NAA35: variants seen among roughly 807,000 people sequenced by gnomAD.
NAA35 encodes the protein N-alpha-acetyltransferase 35, NatC auxiliary subunit.
NAA35 carries 18 observed loss-of-function variants against 101.7 expected under a neutral mutation model. The observed-to-expected ratio is 0.18, with a 90% CI of 0.12 to 0.26. The LOEUF is 0.26. Among genes scored for constraint, NAA35 ranks in the 10% least tolerant of loss-of-function variants. The pLI, the probability that NAA35 is intolerant of heterozygous loss-of-function variation, is 1.00. For missense variants in NAA35, 601 were observed against 886.8 expected, an observed-to-expected ratio of 0.68 and a Z score of 4.09; for synonymous variants, 267 against 273.1, an observed-to-expected ratio of 0.98 and a Z score of 0.22.
At chr9:86,003,774 T>A (rs1047434888) in intron 13 of NAA35, 130 bp downstream of exon 13, 2 of 484,736 alleles carry the variant, frequency 4.1e-6, no homozygotes, top group Non-Finnish European at 7.1e-6. Flanking sequence ...ATTTTTTTTT[T>A]AATTGAAGTA....
At chr9:85,994,109 G>C (rs1178007488) in intron 11 of NAA35, among the ~76,000 whole-genome samples, 1 of 152,026 alleles carries the variant, frequency 6.6e-6, no homozygotes, top group Non-Finnish European at 1.5e-5. Flanking sequence ...TATTTATTGA[G>C]GCCATGCCTT....
rs1464253530 is a variant in NAA35, at chr9:86,009,931, G to C, written c.1290G>C (p.Arg430=). Residue 430 remains arginine (R), a splice_region_variant and synonymous_variant, in exon 15 of 23, where the codon CGG becomes CGC. Transcript: ENST00000361671. Reference sequence around the variant, plus strand: ...ACTCCTTTGTTACTCACTGTGTTCGGGTAAGAGCTACAATTTGGATTGTCA... The same window carrying C: ...ACTCCTTTGTTACTCACTGTGTTCGCGTAAGAGCTACAATTTGGATTGTCA... ...CIDSFVTHCV[R]PFCSLIQIHG... is the part of the protein sequence containing the mutation. 1 of 1,611,250 alleles carries C rather than the reference G, an allele frequency of 6.2e-7. No individual in the cohort carries two copies. The highest frequency in any genetic ancestry group is 8.5e-7 in the Non-Finnish European group (1 of 1,177,648).
chr9:85,977,514 G>A, intron 10 of NAA35, 68 bp downstream of exon 10: 1 of 1,088,708 alleles, frequency 9.2e-7, no homozygotes, highest in Non-Finnish European at 1.4e-6. Context: ...GAGTGAAGCA[G>A]TTCTGAAACT....
intron 11 of NAA35, chr9:85,986,672 C>T (rs899572677): frequency 1.3e-5 from 4 of 312,320 alleles, no homozygotes; most frequent in African/African-American, 4.6e-5. Context: ...GCAACCTCTG[C>T]CTCCCGGGTT....
chr9:85,968,986 T>G (rs1829881152), intron 6 of NAA35, among the ~76,000 whole-genome samples: 1 of 152,200 alleles, frequency 6.6e-6, no homozygotes, highest in African/African-American at 2.4e-5. Flanking sequence ...TGCCCTCTAT[T>G]GTGAAACCTA....
chr9:85,964,545 CT>C (rs1829664291), intron 6 of NAA35, among the ~76,000 whole-genome samples: 1 of 152,188 alleles, frequency 6.6e-6, no homozygotes, highest in Non-Finnish European at 1.5e-5. Flanking sequence ...GAATTATGTC[CT>C]GCATTTAATT....
chr9:85,966,012 C>T (rs1829729464), intron 6 of NAA35, among the ~76,000 whole-genome samples: 1 of 152,148 alleles, frequency 6.6e-6, no homozygotes, highest in Admixed American at 6.5e-5. Context: ...GATCGTAGCT[C>T]ACTGGTAGCC....
chr9:85,946,830 C>G (rs182350516), intron 2 of NAA35, among the ~76,000 whole-genome samples: 4 of 152,104 alleles, frequency 2.6e-5, no homozygotes, highest in African/African-American at 9.7e-5. Context: ...ATTATTAGCA[C>G]CATTGGTTAA....
chr9:85,957,437 T>C (rs1829326204), intron 3 of NAA35, among the ~76,000 whole-genome samples: 2 of 152,110 alleles, frequency 1.3e-5, no homozygotes, highest in Non-Finnish European at 2.9e-5. Context: ...TCCAAACACA[T>C]GTTGTGAAAG....
rs1279339655 is a variant in NAA35, at chr9:85,983,385, T to C, written c.877+5004T>C. Among the ~76,000 whole-genome samples, 6 of 152,270 alleles carry C rather than the reference T, an allele frequency of 3.9e-5. No individual in the cohort carries two copies. The East Asian group carries it at 1.2e-3, about 29-fold the overall frequency. ...GGGAAAAACAAAAGCAAATTCTAAA[T>C]ATGCTAATTTCAGCAATTCCCTTGA... On this transcript the variant is annotated intron_variant, in intron 11 of 22. Coordinates refer to ENST00000361671, the MANE Select transcript of NAA35 (RefSeq NM_024635.4).
At chr9:85,986,991 G>GA (rs57980905) in intron 11 of NAA35, 4 of 155,174 alleles carry the variant, frequency 2.6e-5, no homozygotes, top group Non-Finnish European at 2.9e-5. Flanking sequence ...GCCAAAAAAA[G>GA]AAAAAATCAC....
intron 21 of NAA35, 44 bp downstream of exon 21, chr9:86,018,865 G>A (rs781261039): frequency 6.2e-7 from 1 of 1,601,516 alleles, no homozygotes; most frequent in Non-Finnish European, 8.5e-7. Context: ...AGCGTGGCAG[G>A]AAATACATCT....
chr9:86,008,533 T>A (rs1408135225), intron 14 of NAA35, among the ~76,000 whole-genome samples: 1 of 152,202 alleles, frequency 6.6e-6, no homozygotes, highest in Non-Finnish European at 1.5e-5. Flanking sequence ...ACACATAAAA[T>A]AAGGTTATTC....
In NAA35 at chr9:85,962,000, T is replaced by C. The variant is rs1829536251; in HGVS notation, c.349-13T>C. The C allele has an allele frequency of 1.0e-5, 16 of 1,592,024 alleles. No individual in the cohort carries two copies. The highest frequency in any genetic ancestry group is 1.4e-5 in the African/African-American group (1 of 73,578). ...TTATCACCTTAAATATATACTCTTTTGTTTCTTTATAGATAACGTGGTTAG... is the reference window on the plus strand; with the variant it reads ...TTATCACCTTAAATATATACTCTTTCGTTTCTTTATAGATAACGTGGTTAG... On this transcript the variant is annotated splice_polypyrimidine_tract_variant and intron_variant, in intron 5 of 22. Coordinates refer to ENST00000361671, the MANE Select transcript of NAA35 (RefSeq NM_024635.4).
At chr9:85,970,195 T>G (rs1829946390) in intron 6 of NAA35, among the ~76,000 whole-genome samples, 1 of 152,204 alleles carries the variant, frequency 6.6e-6, no homozygotes. Context: ...ACATGTATAG[T>G]TCGATTTAGT....
At chr9:85,957,402 C>G (rs1209775338) in intron 3 of NAA35, among the ~76,000 whole-genome samples, 2 of 152,022 alleles carry the variant, frequency 1.3e-5, no homozygotes, top group Non-Finnish European at 2.9e-5. Flanking sequence ...TGCAAGAAAA[C>G]CTTTGTCTAG....
chr9:85,961,373 AG>A (rs1165387709), intron 5 of NAA35, among the ~76,000 whole-genome samples: 12 of 152,334 alleles, frequency 7.9e-5, no homozygotes, highest in Admixed American at 6.5e-4. Context: ...TCAAAGTGCT[AG>A]GAAAAAAATG....
At chr9:86,007,312 A>C (rs1329607493) in intron 13 of NAA35, 46 bp from the exon 14 acceptor site, 1 of 1,342,058 alleles carries the variant, frequency 7.5e-7, no homozygotes, top group Non-Finnish European at 1.1e-6. Context: ...CACTAATGAC[A>C]ATTCTGTGCG....
At chr9:85,950,412 A>C (rs1317223290) in intron 2 of NAA35, among the ~76,000 whole-genome samples, 1 of 152,048 alleles carries the variant, frequency 6.6e-6, no homozygotes, top group Non-Finnish European at 1.5e-5. Flanking sequence ...CACCTGGCTA[A>C]TTTTGTATTT....
Sources: allele counts gnomAD v4.1 joint callset (sites outside exome capture counted in the v4.1 genomes callset), GRCh38; gene constraint gnomAD v4.1.1; transcripts MANE v1.5; gene names NCBI Gene and HGNC (gene_info 2026-07-23, HGNC 2026-07-21).